TULP3: variants seen among roughly 807,000 people sequenced by gnomAD.
The protein encoded by TULP3 is TUB like protein 3, also known as tubby-related protein 3.
TULP3 carries 38 observed loss-of-function variants against 50.7 expected under a neutral mutation model. The ratio of observed to expected loss-of-function variants is 0.75; its 90% confidence interval spans 0.58 to 0.98. The LOEUF is 0.98. Among genes scored for constraint, TULP3 ranks in the 50% least tolerant of loss-of-function variants. The pLI, the probability that TULP3 is intolerant of heterozygous loss-of-function variation, is 0.00. For missense variants in TULP3, 550 were observed against 568.0 expected (o/e 0.97, Z 0.32); for synonymous variants, 183 against 196.6 (o/e 0.93, Z 0.58).
chr12:2,897,039 C>T (rs377560780), intron 1 of TULP3, among the ~76,000 whole-genome samples: 2 of 151,914 alleles, frequency 1.3e-5, no homozygotes, highest in Non-Finnish European at 2.9e-5. Context: ...TTTGGAGTCT[C>T]GCTCTGTCGC....
intron 1 of TULP3, among the ~76,000 whole-genome samples, chr12:2,901,062 C>G (rs2098178932): frequency 6.6e-6 from 1 of 151,788 alleles, no homozygotes; most frequent in Non-Finnish European, 1.5e-5. Flanking sequence ...GATATCTTTT[C>G]ATGTGCTTAT....
intron 4 of TULP3, among the ~76,000 whole-genome samples, chr12:2,928,429 C>T (rs1330495775): frequency 6.6e-6 from 1 of 152,124 alleles, no homozygotes; most frequent in Non-Finnish European, 1.5e-5. Context: ...ACTCGAGAAG[C>T]TGAGGCAGGA....
intron 1 of TULP3, among the ~76,000 whole-genome samples, chr12:2,900,381 C>T (rs150091242): frequency 6.6e-6 from 1 of 152,202 alleles, no homozygotes; most frequent in East Asian, 1.9e-4. Flanking sequence ...CTGCAGTAAC[C>T]TGTATAAACA....
At position 2,938,214 on chromosome 12, in the gene TULP3, A is replaced by G. The variant is rs1156494021; in HGVS notation, c.1124A>G (p.Tyr375Cys). Residue 375 changes from tyrosine (Y) to cysteine (C), a missense_variant, in exon 10 of 11, where the codon TAT (tyrosine) becomes TGT (cysteine). Coordinates refer to ENST00000448120, the MANE Select transcript of TULP3 (RefSeq NM_003324.5). ...APVWNSDTQSYVLNFRGRVTQ... is the reference protein window; with the variant it reads ...APVWNSDTQSCVLNFRGRVTQ... ...GTCTGGAACAGTGACACTCAGTCCT[A>G]TGTCCTCAACTTCCGTGGCCGGGTC... 4 of 1,614,062 alleles carry G rather than the reference A, an allele frequency of 2.5e-6. No homozygotes were observed. Among genetic ancestry groups the G allele is most frequent in the Admixed American group, 3.3e-5 (2 of 59,992 alleles).
Position 2,925,458 on chromosome 12 carries a change from C to G in TULP3, c.394+3056C>G, listed in dbSNP as rs559834384. Among the ~76,000 whole-genome samples the G allele has an allele frequency of 2.0e-5, 3 of 152,248 alleles. No homozygotes were observed. In the South Asian group the frequency reaches 6.2e-4, roughly 32 times the overall value. Reference sequence around the variant, plus strand: ...ACCAGGAGGAAGGGAGGGGGTGATTCCGCTGAACAAAGAAGGATGTGTGTC... The same window carrying G: ...ACCAGGAGGAAGGGAGGGGGTGATTGCGCTGAACAAAGAAGGATGTGTGTC... On this transcript the variant is annotated intron_variant, in intron 4 of 10. Coordinates refer to ENST00000448120, the MANE Select transcript of TULP3 (RefSeq NM_003324.5).
chr12:2,907,660 A>T (rs57466609), intron 1 of TULP3, among the ~76,000 whole-genome samples: 28 of 47,174 alleles, frequency 5.9e-4, no homozygotes, highest in African/African-American at 1.3e-3. Context: ...AAAAAAAAAA[A>T]ATTTTTTATT....
In TULP3 at chr12:2,940,352, G is replaced by C; in HGVS notation, c.*908G>C. 1 of 1,466,666 alleles carries C rather than the reference G, an allele frequency of 6.8e-7. No homozygotes were observed. The highest frequency in any genetic ancestry group is 1.4e-5 in the South Asian group (1 of 71,960). 90.9% of individuals were successfully genotyped at this position (1,466,666 alleles called of 1,614,324 possible). On this transcript the variant is annotated 3_prime_UTR_variant, in exon 11 of 11. Transcript: ENST00000448120. ...AAAAAAAAAAAAGGTGGCAGGAGAG[G>C]CTTTGGGGAGGATCAGCCAGCAGAC...
At chr12:2,917,316 T>G (rs2098189162) in intron 2 of TULP3, among the ~76,000 whole-genome samples, 1 of 151,036 alleles carries the variant, frequency 6.6e-6, no homozygotes, top group African/African-American at 2.4e-5. Flanking sequence ...TACTAAAAGT[T>G]TAAAAATCAG....
At chr12:2,897,887 T>C (rs558219543) in intron 1 of TULP3, among the ~76,000 whole-genome samples, 20 of 151,926 alleles carry the variant, frequency 1.3e-4, no homozygotes, top group African/African-American at 4.8e-4. Context: ...GAGACCAGCC[T>C]GGGCAGCATG....
At chr12:2,902,993 C>T (rs2098180096) in intron 1 of TULP3, among the ~76,000 whole-genome samples, 1 of 151,684 alleles carries the variant, frequency 6.6e-6, no homozygotes, top group Non-Finnish European at 1.5e-5. Flanking sequence ...TCCAGAGTAG[C>T]TGGGACTACA....
intron 2 of TULP3, among the ~76,000 whole-genome samples, chr12:2,916,071 G>T (rs1287870196): frequency 6.6e-6 from 1 of 151,822 alleles, no homozygotes; most frequent in Non-Finnish European, 1.5e-5. Flanking sequence ...GTGCAATGGC[G>T]CGATCTTGGC....
intron 6 of TULP3, among the ~76,000 whole-genome samples, chr12:2,931,574 G>C (rs1027706036): frequency 1.3e-5 from 2 of 152,196 alleles, no homozygotes; most frequent in Non-Finnish European, 2.9e-5. Context: ...TATTACGGAA[G>C]AACATGACAT....
intron 1 of TULP3, among the ~76,000 whole-genome samples, chr12:2,907,862 A>T (rs1222496588): frequency 6.6e-6 from 1 of 152,164 alleles, no homozygotes; most frequent in Non-Finnish European, 1.5e-5. Flanking sequence ...TCAAGGCCAG[A>T]GGCTGTTGTA....
At chr12:2,923,179 G>A (rs2153949721) in intron 4 of TULP3, among the ~76,000 whole-genome samples, 1 of 152,174 alleles carries the variant, frequency 6.6e-6, no homozygotes, top group South Asian at 2.1e-4. Context: ...TTTATAATGA[G>A]AAGGGATTAA....
At position 2,892,263 on chromosome 12, in the gene TULP3, C is replaced by CTT. The variant is rs554716409; in HGVS notation, c.41+1284_41+1285dup. 1.9e-4 allele frequency among the ~76,000 whole-genome samples: 28 copies of CTT among 148,758 alleles called. No individual in the cohort carries two copies. The South Asian group carries it at 5.3e-3, about 28-fold the overall frequency. ...TGCACTCTGAAATTTGTTCACTGTG[C>CTT]TTTTTTTTTTCCCAAGTCGAGGAAG... On this transcript the variant is annotated intron_variant, in intron 1 of 10. Transcript: ENST00000448120.
rs186496775 is a variant in TULP3, at chr12:2,940,749, G to A, written c.*1305G>A. On this transcript the variant is annotated 3_prime_UTR_variant, in exon 11 of 11. Coordinates refer to ENST00000448120, the MANE Select transcript of TULP3 (RefSeq NM_003324.5). ...TGAAGGAGGGCCAACTGGCAGCTGC[G>A]GGACCCTTGGCTTGTCCCCCACCGA... 1.4e-5 allele frequency: 22 copies of A among 1,537,070 alleles called. No individual in the cohort carries two copies. The highest frequency in any genetic ancestry group is 1.7e-4 in the Middle Eastern group (1 of 5,918).
rs1328120238 is a variant in TULP3, at chr12:2,940,835, G to C, written c.*1391G>C. The C allele has an allele frequency of 1.9e-5, 19 of 1,024,136 alleles. No homozygotes were observed. In the Middle Eastern group the frequency reaches 6.6e-4, roughly 36 times the overall value. The allele number at this position is 1,024,136 out of a possible 1,614,324, so 63.4% of individuals were successfully genotyped here. A position where few individuals can be genotyped will look rare whatever the true frequency, so the allele number is the denominator to read the frequency against. ...CCATCTCAGGCATGTATCCCACCAA[G>C]TGCCTCCCTCACAGCCATGCCCAGA... On this transcript the variant is annotated 3_prime_UTR_variant, in exon 11 of 11. Transcript: ENST00000448120.
In TULP3 at chr12:2,937,719, A is replaced by G. The variant is rs769187441; in HGVS notation, c.1013A>G (p.Gln338Arg). 2 of 1,612,608 alleles carry G rather than the reference A, an allele frequency of 1.2e-6. No homozygotes were observed. Among genetic ancestry groups the G allele is most frequent in the Non-Finnish European group, 1.7e-6 (2 of 1,179,134 alleles). Residue 338 changes from glutamine (Q) to arginine (R), a missense_variant, in exon 9 of 11, where the codon CAG (glutamine) becomes CGG (arginine). By Grantham distance (43) the Gln-to-Arg change is conservative. Transcript: ENST00000448120. ...CTGAATCATAAGCAGATCCCCTATC[A>G]GCCACAAAACGTGAGTAAGAATGTA... Reference protein sequence around the residue: ...MTLNHKQIPYQPQNNHDSLLS... With the variant: ...MTLNHKQIPYRPQNNHDSLLS...
At position 2,931,067 on chromosome 12, in the gene TULP3, G is replaced by A. The variant is rs201040349; in HGVS notation, c.523G>A (p.Ala175Thr). The A allele has an allele frequency of 3.3e-5, 54 of 1,614,054 alleles. No individual in the cohort carries two copies. In the East Asian group the frequency reaches 5.8e-4, roughly 17 times the overall value. Residue 175 changes from alanine (A) to threonine (T), a missense_variant, in exon 6 of 11, where the codon GCC (alanine) becomes ACC (threonine). Ala to Thr is a moderately conservative substitution (Grantham distance 58). Coordinates refer to ENST00000448120, the MANE Select transcript of TULP3 (RefSeq NM_003324.5). Reference sequence around the variant, plus strand: ...AGGCACTTCCGGTTCTGCTACTGCCGCCCAACCAGCTGATAACCTCCTGGG... The same window carrying A: ...AGGCACTTCCGGTTCTGCTACTGCCACCCAACCAGCTGATAACCTCCTGGG... ...DTGTSGSATA[A>T]QPADNLLGDI...
Sources: allele counts gnomAD v4.1 joint callset (sites outside exome capture counted in the v4.1 genomes callset), GRCh38; gene constraint gnomAD v4.1.1; transcripts MANE v1.5; gene names NCBI Gene and HGNC (gene_info 2026-07-23, HGNC 2026-07-21).